Variants in CREBBP observed in about 807,000 individuals in gnomAD.
The protein encoded by CREBBP is CREB binding lysine acetyltransferase.
In CREBBP, 19 loss-of-function variants were observed where a neutral mutation model predicts 265.0. The observed-to-expected ratio is 0.07, with a 90% CI of 0.05 to 0.11. The LOEUF (loss-of-function observed/expected upper bound fraction) is 0.11, where lower values mean the gene tolerates loss of function less well. Ranked by LOEUF, CREBBP falls within the 10% of genes least tolerant of loss-of-function variation. The pLI, the probability that CREBBP is intolerant of heterozygous loss-of-function variation, is 1.00. For synonymous variants in CREBBP, 1,457 were observed against 1,223.7 expected (o/e 1.19, Z -3.98); for missense variants, 2,525 against 3,219.0 (o/e 0.78, Z 5.22).
chr16:3,791,881 G>T, intron 5 of CREBBP, 100 bp downstream of exon 5: 3 of 1,034,030 alleles, frequency 2.9e-6, no homozygotes, highest in East Asian at 2.4e-5. Context: ...TGCACTCCAT[G>T]GCTCATAACC....
In CREBBP at chr16:3,781,247, A is replaced by T. The variant is rs371285951; in HGVS notation, c.1633T>A (p.Leu545Met). ...GITTDQQPPN[L>M]ISESALPTSL... ...GTCGGAAGAGCTGATTCTGAAATCA[A>T]GTTTGGGGGCTGCTGATCTGTTGTT... The change falls in exon 7 of 31, where the codon TTG becomes ATG. Residue 545 changes from leucine (L) to methionine (M), a missense_variant. This residue lies in a region of CREBBP where 144 missense variants were observed against 134.0 expected (regional missense o/e 1.07). Coordinates refer to ENST00000262367, the MANE Select transcript of CREBBP (RefSeq NM_004380.3). 6.2e-7 allele frequency: 1 copy of T among 1,614,076 alleles called. No homozygotes were observed. Among genetic ancestry groups the T allele is most frequent in the Non-Finnish European group, 8.5e-7 (1 of 1,179,972 alleles).
chr16:3,734,732 G>A (rs1297147973), intron 28 of CREBBP, among the ~76,000 whole-genome samples: 3 of 152,024 alleles, frequency 2.0e-5, no homozygotes, highest in Non-Finnish European at 4.4e-5. Context: ...ACACTCTGGG[G>A]CGCCGTCCAG....
chr16:3,865,247 C>T (rs975026149), intron 1 of CREBBP, among the ~76,000 whole-genome samples: 4 of 152,204 alleles, frequency 2.6e-5, no homozygotes, highest in Non-Finnish European at 4.4e-5. Flanking sequence ...ATAGATTTGC[C>T]TGTCCGCATA....
chr16:3,739,338 G>A, intron 25 of CREBBP: 1 of 553,166 alleles, frequency 1.8e-6, no homozygotes, highest in East Asian at 3.2e-5. Context: ...ACCTGCGTTA[G>A]GTAAGAGCGG....
rs986976652 is a variant in CREBBP at position 3,725,469 on chromosome 16, A to C, written c.*2249T>G. On this transcript the variant is annotated 3_prime_UTR_variant, in exon 31 of 31. Transcript: ENST00000262367. ...GGGCTCTAGCCCCACTTCTTGTTTGAACACATGGCTCAAGGTTTCCCTACG... is the reference window on the plus strand; with the variant it reads ...GGGCTCTAGCCCCACTTCTTGTTTGCACACATGGCTCAAGGTTTCCCTACG... 2 of 233,164 alleles carry C rather than the reference A, an allele frequency of 8.6e-6. No individual in the cohort carries two copies. Among genetic ancestry groups the C allele is most frequent in the African/African-American group, 4.4e-5 (2 of 45,348 alleles). 14.4% of individuals were successfully genotyped at this position (233,164 alleles called of 1,614,324 possible).
chr16:3,844,162 A>G (rs1187460513), intron 2 of CREBBP, among the ~76,000 whole-genome samples: 2 of 150,818 alleles, frequency 1.3e-5, no homozygotes, highest in African/African-American at 4.8e-5. Flanking sequence ...AAAAAAAAAA[A>G]AAAAAAAAAA....
At chr16:3,854,370 G>A (rs2054917324) in intron 1 of CREBBP, among the ~76,000 whole-genome samples, 11 of 152,204 alleles carry the variant, frequency 7.2e-5, no homozygotes, top group Admixed American at 7.2e-4. Flanking sequence ...CCACTTGCAT[G>A]CTAAGGATGG....
intron 28 of CREBBP, among the ~76,000 whole-genome samples, chr16:3,735,105 G>C (rs1032265265): frequency 6.6e-6 from 1 of 152,100 alleles, no homozygotes; most frequent in East Asian, 1.9e-4. Flanking sequence ...CGCACACAGC[G>C]CGCCTCCTCC....
chr16:3,852,023 G>A (rs1413990947), intron 1 of CREBBP, among the ~76,000 whole-genome samples: 6 of 75,358 alleles, frequency 8.0e-5, no homozygotes, highest in Admixed American at 2.3e-4. Flanking sequence ...GGGCAACAGC[G>A]AGACTCCATC....
chr16:3,730,675 C>CA (rs2151314584), intron 30 of CREBBP: 1 of 185,778 alleles, frequency 5.4e-6, no homozygotes, highest in South Asian at 1.1e-4. Flanking sequence ...GACACCACAG[C>CA]AAGTGAGGAG....
rs1158614140 is a variant in CREBBP, at chr16:3,793,461, A to G, written c.1141T>C (p.Ser381Pro). ...EQANGEVRAC[S>P]LPHCRTMKNV... ...TTCATGGTTCGACAATGCGGGAGCG[A>G]GCAGGCCCGAACCTCTCCGTTTGCT... Residue 381 changes from serine (S) to proline (P), a missense_variant, in exon 4 of 31, where the codon TCG becomes CCG. Ser to Pro is a moderately conservative substitution (Grantham distance 74). Coordinates refer to ENST00000262367, the MANE Select transcript of CREBBP (RefSeq NM_004380.3). 6.2e-7 allele frequency: 1 copy of G among 1,614,026 alleles called. No homozygotes were observed. The highest frequency in any genetic ancestry group is 2.2e-5 in the East Asian group (1 of 44,888).
intron 5 of CREBBP, among the ~76,000 whole-genome samples, chr16:3,789,384 T>G (rs1458978444): frequency 2.6e-5 from 4 of 152,256 alleles, no homozygotes; most frequent in Non-Finnish European, 4.4e-5. Flanking sequence ...TCCTTTGTTA[T>G]TCTGTTTGCA....
chr16:3,806,420 A>G (rs2053831557), intron 3 of CREBBP, among the ~76,000 whole-genome samples: 1 of 151,962 alleles, frequency 6.6e-6, no homozygotes, highest in African/African-American at 2.4e-5. Flanking sequence ...CTGCATCTCA[A>G]CTTTAATGGT....
chr16:3,795,909 A>G (rs1257492214), intron 3 of CREBBP, among the ~76,000 whole-genome samples: 1 of 152,248 alleles, frequency 6.6e-6, no homozygotes, highest in Non-Finnish European at 1.5e-5. Flanking sequence ...CTTCTTGGGC[A>G]TCAGCTAATA....
At chr16:3,807,618 GA>G (rs1567329039) in intron 3 of CREBBP, among the ~76,000 whole-genome samples, 1 of 152,160 alleles carries the variant, frequency 6.6e-6, no homozygotes. Context: ...CATGACCTCA[GA>G]ACATAACTGA....
intron 2 of CREBBP, among the ~76,000 whole-genome samples, chr16:3,812,160 T>C (rs2053950964): frequency 6.6e-6 from 1 of 151,882 alleles, no homozygotes; most frequent in Admixed American, 6.6e-5. Context: ...TCTCTACCAC[T>C]GTACAGGTGT....
At chr16:3,790,072 T>C (rs2053471670) in intron 5 of CREBBP, among the ~76,000 whole-genome samples, 2 of 152,302 alleles carry the variant, frequency 1.3e-5, no homozygotes, top group African/African-American at 2.4e-5. Flanking sequence ...TCATAGAATA[T>C]TGTATAACTA....
chr16:3,769,728 T>G (rs2052952436), intron 14 of CREBBP, among the ~76,000 whole-genome samples: 1 of 152,202 alleles, frequency 6.6e-6, no homozygotes, highest in Non-Finnish European at 1.5e-5. Flanking sequence ...TAAGCACATC[T>G]GAAGGGAGGG....
intron 1 of CREBBP, among the ~76,000 whole-genome samples, chr16:3,853,656 G>A (rs2054900878): frequency 6.6e-6 from 1 of 151,458 alleles, no homozygotes; most frequent in African/African-American, 2.4e-5. Flanking sequence ...CCATACATCG[G>A]CCAGGCACGG....
Sources: allele counts gnomAD v4.1 joint callset (sites outside exome capture counted in the v4.1 genomes callset), GRCh38; gene constraint gnomAD v4.1.1; regional missense constraint gnomAD v4.1.1; transcripts MANE v1.5; gene names NCBI Gene and HGNC (gene_info 2026-07-23, HGNC 2026-07-21).